PHACTR2: variants seen among roughly 807,000 people sequenced by gnomAD.
PHACTR2 encodes the protein phosphatase and actin regulator 2.
In PHACTR2, 30 loss-of-function variants were observed where a neutral mutation model predicts 76.0. The observed-to-expected ratio is 0.39, with a 90% confidence interval of 0.30 to 0.54. The LOEUF is 0.54. Ranked by LOEUF, PHACTR2 falls within the 20% of genes least tolerant of loss-of-function variation. PHACTR2 has a pLI of 0.61. For synonymous variants in PHACTR2, 292 were observed against 292.5 expected (o/e 1.00, Z 0.02); for missense variants, 696 against 781.1 (o/e 0.89, Z 1.30).
rs553981414 is a variant in PHACTR2, at chr6:143,742,249, C to T, written c.215-6736C>T. Among the ~76,000 whole-genome samples the T allele has an allele frequency of 9.2e-5, 14 of 152,248 alleles. No individual in the cohort carries two copies. The highest frequency in any genetic ancestry group is 2.0e-4 in the Admixed American group (3 of 15,300). On this transcript the variant is annotated intron_variant, in intron 2 of 12. Coordinates refer to ENST00000440869, the MANE Select transcript of PHACTR2 (RefSeq NM_001100164.2). This position sits in a 1 kb window ranked among gnomAD's most constrained non-coding sequence, Gnocchi z 4.5. ...AATCCAGGGGCAGAAAACCTTCAGG[C>T]GTGGTTGGATCCAGGTGCTTACAAG...
intron 1 of PHACTR2, among the ~76,000 whole-genome samples, chr6:143,636,735 G>A (rs1459088580): frequency 1.3e-5 from 2 of 152,102 alleles, no homozygotes; most frequent in Non-Finnish European, 2.9e-5. Context: ...GAATTTTCAG[G>A]TCATTTGTAT....
intron 12 of PHACTR2, among the ~76,000 whole-genome samples, chr6:143,813,621 A>T (rs1417019586): frequency 6.7e-6 from 1 of 150,224 alleles, no homozygotes; most frequent in Non-Finnish European, 1.5e-5. Context: ...CCGCCTCAAA[A>T]AAAAAAAAAA....
intron 2 of PHACTR2, among the ~76,000 whole-genome samples, chr6:143,741,242 T>C (rs1485128518): frequency 3.3e-5 from 5 of 151,660 alleles, no homozygotes; most frequent in African/African-American, 1.2e-4. Flanking sequence ...CCAGTCATGG[T>C]GGCGCACGCC....
At chr6:143,699,777 A>T (rs1365805605) in intron 1 of PHACTR2, among the ~76,000 whole-genome samples, 1 of 152,188 alleles carries the variant, frequency 6.6e-6, no homozygotes, top group Admixed American at 6.5e-5. Flanking sequence ...CCCTCAGATC[A>T]TCCATCATTT....
At position 143,803,472 on chromosome 6, in the gene PHACTR2, C is replaced by T. The variant is rs1421124171; in HGVS notation, c.1846-3585C>T. 6.6e-6 allele frequency among the ~76,000 whole-genome samples: 1 copy of T among 152,138 alleles called. No individual in the cohort carries two copies. On this transcript the variant is annotated intron_variant, in intron 11 of 12. Coordinates refer to ENST00000440869, the MANE Select transcript of PHACTR2 (RefSeq NM_001100164.2). The surrounding 1 kb of genome is among the most constrained non-coding windows in gnomAD (Gnocchi z 4.7). ...CTGAGGTGGGAGAATTGTTTGAACC[C>T]AGGAGGCAGAGGTTGCAGTGAGCTG...
intron 1 of PHACTR2, among the ~76,000 whole-genome samples, chr6:143,573,359 A>G (rs1392322193): frequency 6.6e-6 from 1 of 152,114 alleles, no homozygotes; most frequent in Non-Finnish European, 1.5e-5. Context: ...AGATGCATGG[A>G]GACTTTCACT....
rs1331704263 is a variant in PHACTR2, at chr6:143,823,067, A to G, written c.1923-607A>G. ...GCTAATCTGAGGTTTCTAGACCAAA[A>G]ATATTTTTAAAGATAGAATATTAAA... is the stretch of plus-strand genomic sequence containing the variant. On this transcript the variant is annotated intron_variant, in intron 12 of 12. Coordinates refer to ENST00000440869, the MANE Select transcript of PHACTR2 (RefSeq NM_001100164.2). The surrounding 1 kb of genome is among the most constrained non-coding windows in gnomAD (Gnocchi z 5.7). Among the ~76,000 whole-genome samples the G allele has an allele frequency of 6.6e-6, 1 of 152,244 alleles. No individual in the cohort carries two copies. Among genetic ancestry groups the G allele is most frequent in the Non-Finnish European group, 1.5e-5 (1 of 68,044 alleles).
At chr6:143,692,195 C>T (rs1777659331) in intron 1 of PHACTR2, among the ~76,000 whole-genome samples, 1 of 152,180 alleles carries the variant, frequency 6.6e-6, no homozygotes, top group South Asian at 2.1e-4. Flanking sequence ...GGGTGGCTCA[C>T]AGGACTGGGG....
At chr6:143,588,552 C>T (rs979144933) in intron 1 of PHACTR2, among the ~76,000 whole-genome samples, 3 of 152,074 alleles carry the variant, frequency 2.0e-5, no homozygotes, top group African/African-American at 7.2e-5. Context: ...AAATGTCAGT[C>T]CTCAGAGTAA....
At chr6:143,613,854 C>T (rs1251597002) in intron 1 of PHACTR2, among the ~76,000 whole-genome samples, 1 of 152,190 alleles carries the variant, frequency 6.6e-6, no homozygotes, top group Non-Finnish European at 1.5e-5. Context: ...CCTCCACACA[C>T]AAAGAATTTA....
At chr6:143,766,515 T>C (rs981527474) in intron 6 of PHACTR2, among the ~76,000 whole-genome samples, 3 of 152,250 alleles carry the variant, frequency 2.0e-5, no homozygotes, top group Non-Finnish European at 4.4e-5. Context: ...CAGCCTACTT[T>C]AACATTGCGG....
In PHACTR2 at chr6:143,827,155, A is replaced by AATATATATACATATATATAT. The variant is rs1554231995; in HGVS notation, c.*3475_*3476insCATATATATATATATATATA. On this transcript the variant is annotated 3_prime_UTR_variant, in exon 13 of 13. Coordinates refer to ENST00000440869, the MANE Select transcript of PHACTR2 (RefSeq NM_001100164.2). ...GGGCTGCGTTGGCATTAAAAAAGAA[A>AATATATATACATATATATAT]ATATATATATATATATATATATATA... 3 of 77,232 alleles carry AATATATATACATATATATAT rather than the reference A, an allele frequency of 3.9e-5. No individual in the cohort carries two copies. Among genetic ancestry groups the AATATATATACATATATATAT allele is most frequent in the Non-Finnish European group, 7.3e-5 (3 of 41,048 alleles). 4.8% of individuals were successfully genotyped at this position (77,232 alleles called of 1,614,324 possible). A position where few individuals can be genotyped will look rare whatever the true frequency, so the allele number is the denominator to read the frequency against.
rs1232950170 is a variant in PHACTR2 at position 143,730,548 on chromosome 6, A to G, written c.214+18365A>G. Reference sequence around the variant, plus strand: ...AAATACCTTAGGATTTTCTACATGGACAATTATGTCATCTGTGAATGGGAA... The same window carrying G: ...AAATACCTTAGGATTTTCTACATGGGCAATTATGTCATCTGTGAATGGGAA... On this transcript the variant is annotated intron_variant, in intron 2 of 12. Transcript: ENST00000440869. This position sits in a 1 kb window ranked among gnomAD's most constrained non-coding sequence, Gnocchi z 4.8. Among the ~76,000 whole-genome samples the G allele has an allele frequency of 6.6e-6, 1 of 152,204 alleles. No individual in the cohort carries two copies. The highest frequency in any genetic ancestry group is 1.5e-5 in the Non-Finnish European group (1 of 68,034).
intron 2 of PHACTR2, among the ~76,000 whole-genome samples, chr6:143,734,021 AT>A (rs201497557): frequency 6.6e-6 from 1 of 151,848 alleles, no homozygotes; most frequent in African/African-American, 2.4e-5. Flanking sequence ...AGTAGAATGG[AT>A]TTTTTTTCTT....
At position 143,548,113 on chromosome 6, in the gene PHACTR2, T is replaced by A. The variant is rs1212847624; in HGVS notation, c.217+10906T>A. On this transcript the variant is annotated intron_variant, in intron 1 of 11. Transcript: ENST00000367584. This position sits in a 1 kb window ranked among gnomAD's most constrained non-coding sequence, Gnocchi z 4.5. ...GGCTGGAAGTTCAAGATCAAGACACTGGCAGATTCAGTGTTTGGCGAGGGC... is the reference window on the plus strand; with the variant it reads ...GGCTGGAAGTTCAAGATCAAGACACAGGCAGATTCAGTGTTTGGCGAGGGC... Among the ~76,000 whole-genome samples, 1 of 152,172 alleles carries A rather than the reference T, an allele frequency of 6.6e-6. No homozygotes were observed. Among genetic ancestry groups the A allele is most frequent in the Non-Finnish European group, 1.5e-5 (1 of 68,020 alleles).
chr6:143,721,650 T>A (rs1041832150), intron 2 of PHACTR2, among the ~76,000 whole-genome samples: 1 of 152,036 alleles, frequency 6.6e-6, no homozygotes, highest in Admixed American at 6.6e-5. Context: ...TGTGTGTGTG[T>A]GTGTGTCTGT....
intron 2 of PHACTR2, among the ~76,000 whole-genome samples, chr6:143,735,786 GT>G (rs1187660702): frequency 6.6e-6 from 1 of 152,022 alleles, no homozygotes; most frequent in Non-Finnish European, 1.5e-5. Flanking sequence ...GTTCAAATTA[GT>G]TACTACCCCA....
intron 1 of PHACTR2, among the ~76,000 whole-genome samples, chr6:143,643,791 T>C (rs1294744934): frequency 6.6e-6 from 1 of 152,208 alleles, no homozygotes; most frequent in Non-Finnish European, 1.5e-5. Context: ...GAAATGCACA[T>C]TTAGTTTATA....
At position 143,760,724 on chromosome 6, in the gene PHACTR2, T is replaced by C. The variant is rs548829991; in HGVS notation, c.694+84T>C. On this transcript the variant is annotated intron_variant, in intron 5 of 12. Coordinates refer to ENST00000440869, the MANE Select transcript of PHACTR2 (RefSeq NM_001100164.2). This position sits in a 1 kb window ranked among gnomAD's most constrained non-coding sequence, Gnocchi z 6.4. ...GGCTAATTGTTTCTTCTAGGTGTGATGGGCTTTTGGTGTCTTAGGACATTA... is the reference window on the plus strand; with the variant it reads ...GGCTAATTGTTTCTTCTAGGTGTGACGGGCTTTTGGTGTCTTAGGACATTA... The C allele has an allele frequency of 2.0e-6, 3 of 1,480,008 alleles. No homozygotes were observed. The highest frequency in any genetic ancestry group is 2.2e-5 in the Admixed American group (1 of 46,238). 91.7% of individuals were successfully genotyped at this position (1,480,008 alleles called of 1,614,324 possible).
Sources: gnomAD v4.1 joint callset for allele counts (sites outside exome capture counted in the v4.1 genomes callset) on GRCh38, gnomAD v4.1.1 for gene constraint, Gnocchi (gnomAD v3.1) non-coding constraint, MANE v1.5 for transcripts, NCBI Gene and HGNC (gene_info 2026-07-23, HGNC 2026-07-21) for gene names.